ZCCHC7: variants seen among roughly 807,000 people sequenced by gnomAD.
ZCCHC7 encodes zinc finger CCHC domain-containing protein 7.
ZCCHC7 carries 35 observed loss-of-function variants against 52.0 expected under a neutral mutation model. That is an observed-to-expected ratio of 0.67 (90% CI 0.51 to 0.89). The LOEUF is 0.89. Among genes scored for constraint, ZCCHC7 ranks in the 40% least tolerant of loss-of-function variants. ZCCHC7 has a pLI of 0.00. For synonymous variants in ZCCHC7, 217 were observed against 221.5 expected (o/e 0.98, Z 0.18); for missense variants, 574 against 649.1 (o/e 0.88, Z 1.26).
In ZCCHC7 at chr9:37,159,180, G is replaced by A. The variant is rs183173114; in HGVS notation, c.610+32238G>A. 2.0e-4 allele frequency among the ~76,000 whole-genome samples: 30 copies of A among 152,208 alleles called. 1 individual carries two copies. The highest frequency in any genetic ancestry group is 9.8e-4 in the Admixed American group (15 of 15,294). On this transcript the variant is annotated intron_variant, in intron 2 of 8. Coordinates refer to ENST00000336755, the MANE Select transcript of ZCCHC7 (RefSeq NM_032226.3). Reference sequence around the variant, plus strand: ...TGAAACAGATTTTCAGTTGCTGTTAGGTCCAGAGGAACAGAATGTTAATAA... The same window carrying A: ...TGAAACAGATTTTCAGTTGCTGTTAAGTCCAGAGGAACAGAATGTTAATAA...
intron 2 of ZCCHC7, among the ~76,000 whole-genome samples, chr9:37,281,672 A>G (rs1415922324): frequency 2.0e-5 from 3 of 152,210 alleles, no homozygotes; most frequent in Non-Finnish European, 4.4e-5. Context: ...GGCGTTTTGT[A>G]TTACAGGAAT....
chr9:37,129,449 A>G (rs1205687655), intron 2 of ZCCHC7, among the ~76,000 whole-genome samples: 5 of 152,202 alleles, frequency 3.3e-5, no homozygotes, highest in Non-Finnish European at 7.3e-5. Flanking sequence ...CTGTAATCCT[A>G]TTTCCAATTA....
chr9:37,358,136 TATCTG>T lies in ZCCHC7; in HGVS notation c.*870_*874del, dbSNP rs774307728. The T allele has an allele frequency of 6.6e-6, 1 of 152,162 alleles. No homozygotes were observed. Among genetic ancestry groups the T allele is most frequent in the African/African-American group, 2.4e-5 (1 of 41,428 alleles). The allele number at this position is 152,162 out of a possible 1,614,324, so 9.4% of individuals were successfully genotyped here. On this transcript the variant is annotated 3_prime_UTR_variant, in exon 9 of 9. Transcript: ENST00000336755. ...TAATGTCAGACTAAGAAAAATAAAA[TATCTG>T]AGAGTAAATACATGTGTTTATTATG...
At chr9:37,315,440 T>A (rs1244131845) in intron 5 of ZCCHC7, among the ~76,000 whole-genome samples, 1 of 94,520 alleles carries the variant, frequency 1.1e-5, no homozygotes, top group Non-Finnish European at 2.2e-5. Flanking sequence ...ATAAAAAAAA[T>A]CATAAGCAAT....
intron 2 of ZCCHC7, among the ~76,000 whole-genome samples, chr9:37,174,438 T>G (rs1192566711): frequency 6.6e-6 from 1 of 151,976 alleles, no homozygotes; most frequent in African/African-American, 2.4e-5. Flanking sequence ...CCAGGAAAAA[T>G]GGAGTAATTG....
intron 2 of ZCCHC7, among the ~76,000 whole-genome samples, chr9:37,130,861 A>G (rs1298839500): frequency 2.0e-5 from 3 of 151,962 alleles, no homozygotes; most frequent in Non-Finnish European, 4.4e-5. Context: ...GAAACTTAAA[A>G]CTTTGTTTAA....
intron 2 of ZCCHC7, 48 bp from the exon 3 acceptor site, chr9:37,302,140 A>G (rs753522969): frequency 2.0e-6 from 3 of 1,468,470 alleles, no homozygotes; most frequent in Admixed American, 3.5e-5. Context: ...TCAATCTATA[A>G]GTCCTTTAAA....
intron 2 of ZCCHC7, among the ~76,000 whole-genome samples, chr9:37,150,092 T>C (rs2132825746): frequency 6.6e-6 from 1 of 152,340 alleles, no homozygotes; most frequent in Middle Eastern, 3.4e-3. Context: ...GGAGGATCAC[T>C]AGGACTACAA....
At chr9:37,124,886 C>G (rs1842477070) in intron 1 of ZCCHC7, among the ~76,000 whole-genome samples, 1 of 152,256 alleles carries the variant, frequency 6.6e-6, no homozygotes, top group African/African-American at 2.4e-5. Flanking sequence ...ACAGTCTGCT[C>G]TGTTGCCCAG....
At chr9:37,308,228 C>G (rs1055566458) in intron 5 of ZCCHC7, among the ~76,000 whole-genome samples, 1 of 152,138 alleles carries the variant, frequency 6.6e-6, no homozygotes, top group African/African-American at 2.4e-5. Flanking sequence ...TTTACCAAGT[C>G]TTAAAAATGA....
chr9:37,235,690 G>A (rs2133333867), intron 2 of ZCCHC7, among the ~76,000 whole-genome samples: 1 of 151,328 alleles, frequency 6.6e-6, no homozygotes, highest in East Asian at 2.0e-4. Context: ...TCCCTGTTCA[G>A]GCAATTCTCC....
chr9:37,244,075 C>G (rs1388769566), intron 2 of ZCCHC7, among the ~76,000 whole-genome samples: 2 of 151,352 alleles, frequency 1.3e-5, no homozygotes, highest in East Asian at 1.9e-4. Flanking sequence ...TTATTGTCTC[C>G]TAGTGGTCCT....
At chr9:37,141,014 C>T (rs868519448) in intron 2 of ZCCHC7, among the ~76,000 whole-genome samples, 9 of 151,832 alleles carry the variant, frequency 5.9e-5, no homozygotes, top group Non-Finnish European at 1.2e-4. Flanking sequence ...TAGTATAATG[C>T]GCATACTTAT....
chr9:37,320,057 T>C (rs1397845718), intron 5 of ZCCHC7, among the ~76,000 whole-genome samples: 3 of 152,144 alleles, frequency 2.0e-5, no homozygotes, highest in Non-Finnish European at 2.9e-5. Context: ...TTAAAATACA[T>C]AGTGAGATTT....
At chr9:37,282,817 T>TA (rs1416034750) in intron 2 of ZCCHC7, among the ~76,000 whole-genome samples, 4 of 144,722 alleles carry the variant, frequency 2.8e-5, no homozygotes, top group Middle Eastern at 3.7e-3. Context: ...GGCTCTGGCT[T>TA]AAAAAAAAGG....
chr9:37,172,008 AAG>A (rs1214353897), intron 2 of ZCCHC7, among the ~76,000 whole-genome samples: 1 of 152,174 alleles, frequency 6.6e-6, no homozygotes, highest in Non-Finnish European at 1.5e-5. Flanking sequence ...TTCATTAAAT[AAG>A]AGAATTTTTG....
chr9:37,175,629 C>G (rs1265723595), intron 2 of ZCCHC7, among the ~76,000 whole-genome samples: 2 of 152,052 alleles, frequency 1.3e-5, no homozygotes, highest in African/African-American at 2.4e-5. Context: ...CCCATCTACT[C>G]AAGGAGGCTG....
chr9:37,270,653 G>A (rs1382593948), intron 2 of ZCCHC7, among the ~76,000 whole-genome samples: 1 of 150,540 alleles, frequency 6.6e-6, no homozygotes, highest in Non-Finnish European at 1.5e-5. Flanking sequence ...CTGCACTCCA[G>A]CCTGGGCAAC....
rs193099703 is a variant in ZCCHC7 at position 37,190,464 on chromosome 9, A to C, written c.610+63522A>C. On this transcript the variant is annotated intron_variant, in intron 2 of 8. Coordinates refer to ENST00000336755, the MANE Select transcript of ZCCHC7 (RefSeq NM_032226.3). ...GGCAGGAGATACTAAAGGGGGAAAA[A>C]TACTAAATCATCTGTTTGATATTAA... Among the ~76,000 whole-genome samples the C allele has an allele frequency of 1.8e-3, 278 of 152,286 alleles. 3 individuals carry two copies. The South Asian group carries it at 0.02, about 11-fold the overall frequency.
Sources: gnomAD v4.1 joint callset for allele counts (sites outside exome capture counted in the v4.1 genomes callset) on GRCh38, gnomAD v4.1.1 for gene constraint, MANE v1.5 for transcripts, NCBI Gene and HGNC (gene_info 2026-07-23, HGNC 2026-07-21) for gene names.